The following TENM1 variants were observed in gnomAD, a reference collection of about 807,000 sequenced individuals.
TENM1 encodes teneurin transmembrane protein 1, also known as teneurin-1.
A neutral mutation model predicts 174.8 loss-of-function variants in TENM1; 35 were observed. The ratio of observed to expected loss-of-function variants is 0.20; its 90% CI spans 0.15 to 0.27. TENM1 has a LOEUF of 0.27. Among genes scored for constraint, TENM1 ranks in the 10% least tolerant of loss-of-function variants. The pLI is 1.00. For missense variants in TENM1, 1,633 were observed against 2,130.1 expected (o/e 0.77, Z 4.59); for synonymous variants, 781 against 798.7 (o/e 0.98, Z 0.37).
At chrX:124,635,395 A>T (rs1378367977) in intron 11 of TENM1, among the ~76,000 whole-genome samples, 2 of 112,271 alleles carry the variant, frequency 1.8e-5, no homozygotes, top group African/African-American at 6.5e-5. Context: ...CGTTCCTTAG[A>T]AGGGGCACAT....
chrX:125,033,697 G>A, the TENM1 span, among the ~76,000 whole-genome samples: 12 of 109,915 alleles, frequency 1.1e-4, no homozygotes, highest in Admixed American at 1.9e-4. Flanking sequence ...ACAGATGGGA[G>A]CTGAATAGCT....
chrX:125,159,671 T>C, the TENM1 span, among the ~76,000 whole-genome samples: 1 of 112,291 alleles, frequency 8.9e-6, no homozygotes, highest in Non-Finnish European at 1.9e-5. Context: ...CCAAAAAAGT[T>C]ACCAAATTAA....
the TENM1 span, among the ~76,000 whole-genome samples, chrX:125,196,013 C>CGAAGGAAGGAAGGAAGGAAG: frequency 1.2e-3 from 109 of 90,724 alleles, 1 homozygote; most frequent in African/African-American, 4.5e-3. Flanking sequence ...AAAGAAGGAA[C>CGAAGGAAGGAAGGAAGGAAG]GAAGGAAGGA....
chrX:124,611,472 C>T (rs1183536093), intron 11 of TENM1, among the ~76,000 whole-genome samples: 1 of 111,442 alleles, frequency 9.0e-6, no homozygotes, highest in Non-Finnish European at 1.9e-5. Context: ...TAGGGAGATC[C>T]AAACCTACTT....
chrX:124,958,126 A>G (rs2058604839), intron 1 of TENM1, among the ~76,000 whole-genome samples: 1 of 111,728 alleles, frequency 9.0e-6, no homozygotes, highest in Non-Finnish European at 1.9e-5. Flanking sequence ...CCTAGGGCTC[A>G]TTCATCCTGT....
the TENM1 span, among the ~76,000 whole-genome samples, chrX:125,055,578 G>T: frequency 9.0e-6 from 1 of 111,268 alleles, no homozygotes; most frequent in Admixed American, 9.6e-5. Flanking sequence ...TTGAATGAAA[G>T]AATGGCATTT....
chrX:124,448,138 C>T (rs2060985529), intron 23 of TENM1, among the ~76,000 whole-genome samples: 1 of 111,743 alleles, frequency 8.9e-6, no homozygotes, highest in Non-Finnish European at 1.9e-5. Flanking sequence ...TTGATATTGG[C>T]TCCAATGTTT....
At position 124,822,866 on chromosome X, in the gene TENM1, C is replaced by G. The variant is rs535761936; in HGVS notation, c.535+71430G>C. Among the ~76,000 whole-genome samples the G allele has an allele frequency of 3.6e-5, 4 of 111,954 alleles. No homozygotes were observed. In the East Asian group the frequency reaches 8.4e-4, roughly 24 times the overall value. ...CAGAAAAGAATCTAGGACCCAGAAT[C>G]GGTAACAGGTTGAATGCAAAAAACT... On this transcript the variant is annotated intron_variant, in intron 3 of 31. Coordinates refer to ENST00000422452, the Ensembl canonical transcript of TENM1.
At chrX:124,763,488 A>G (rs1022755962) in intron 3 of TENM1, among the ~76,000 whole-genome samples, 4 of 111,404 alleles carry the variant, frequency 3.6e-5, no homozygotes, top group African/African-American at 6.5e-5. Context: ...AAAAGCGCAC[A>G]CACACACACA....
intron 4 of TENM1, among the ~76,000 whole-genome samples, chrX:124,720,911 G>C (rs1259533240): frequency 9.0e-6 from 1 of 111,476 alleles, no homozygotes; most frequent in Non-Finnish European, 1.9e-5. Context: ...ACTTGTTTGG[G>C]GACCTCACCT....
At chrX:124,492,708 G>T (rs1350530149) in intron 20 of TENM1, among the ~76,000 whole-genome samples, 1 of 110,324 alleles carries the variant, frequency 9.1e-6, no homozygotes, top group Non-Finnish European at 1.9e-5. Context: ...AGGAGTGTTG[G>T]AATAGAGAAG....
intron 1 of TENM1, among the ~76,000 whole-genome samples, chrX:124,960,736 C>CTACA (rs1303237653): frequency 1.8e-5 from 2 of 111,860 alleles, no homozygotes; most frequent in Admixed American, 1.9e-4. Flanking sequence ...GTCAACCACT[C>CTACA]TACACCCTAA....
At chrX:124,437,553 C>T (rs755098697) in intron 23 of TENM1, among the ~76,000 whole-genome samples, 9 of 111,600 alleles carry the variant, frequency 8.1e-5, no homozygotes, top group Non-Finnish European at 1.7e-4. Context: ...ATTTCATGGT[C>T]GATCATGTGA....
chrX:124,891,420 G>C (rs776312631), intron 3 of TENM1, among the ~76,000 whole-genome samples: 5 of 110,830 alleles, frequency 4.5e-5, no homozygotes, highest in Non-Finnish European at 9.4e-5. Flanking sequence ...CAGCACTTTG[G>C]GAGGCCGAGG....
chrX:124,958,533 A>C (rs893509831), intron 1 of TENM1, among the ~76,000 whole-genome samples: 3 of 111,482 alleles, frequency 2.7e-5, no homozygotes, highest in Admixed American at 9.6e-5. Flanking sequence ...GGAAACTAAC[A>C]TTTTTTGAAT....
At chrX:124,735,956 G>A (rs1312326797) in intron 4 of TENM1, among the ~76,000 whole-genome samples, 1 of 111,041 alleles carries the variant, frequency 9.0e-6, no homozygotes, top group Non-Finnish European at 1.9e-5. Context: ...GGGGAGTGAG[G>A]GTTAGAAAAT....
At chrX:124,963,409 G>A in intron 1 of TENM1, 128 bp downstream of exon 4, 4 of 545,549 alleles carry the variant, frequency 7.3e-6, no homozygotes, top group Non-Finnish European at 8.8e-6. Flanking sequence ...GATTCTCTGA[G>A]CATATATAAG....
intron 14 of TENM1, 145 bp from the exon 18 acceptor site, chrX:124,547,235 T>G: frequency 2.2e-6 from 1 of 463,270 alleles, no homozygotes; most frequent in Admixed American, 4.1e-5. Context: ...AAATTCACAT[T>G]TTTCATGAAT....
the TENM1 span, among the ~76,000 whole-genome samples, chrX:125,007,252 C>T: frequency 9.1e-6 from 1 of 110,440 alleles, no homozygotes; most frequent in South Asian, 3.9e-4. Flanking sequence ...AATAGCCGGA[C>T]TGATCAAGTG....
Sources: allele counts gnomAD v4.1 joint callset (sites outside exome capture counted in the v4.1 genomes callset), GRCh38; gene constraint gnomAD v4.1.1; transcripts MANE v1.5; gene names NCBI Gene and HGNC (gene_info 2026-07-23, HGNC 2026-07-21).